VGLL4: variants seen among roughly 807,000 people sequenced by gnomAD.
VGLL4 encodes the protein transcription cofactor vestigial-like protein 4.
Under a neutral mutation model 21.0 loss-of-function variants are expected in VGLL4, and 7 were observed. The observed-to-expected ratio is 0.33, with a 90% CI of 0.19 to 0.63. VGLL4 has a LOEUF of 0.63. Ranked by LOEUF, VGLL4 falls within the 20% of genes least tolerant of loss-of-function variation. The pLI is 0.78. For synonymous variants in VGLL4, 222 were observed against 173.2 expected, an observed-to-expected ratio of 1.28 and a Z score of -2.21; for missense variants, 394 against 425.7, an observed-to-expected ratio of 0.93 and a Z score of 0.66.
chr3:11,571,648 C>G (rs1194127483), intron 2 of VGLL4, among the ~76,000 whole-genome samples: 1 of 152,232 alleles, frequency 6.6e-6, no homozygotes, highest in Non-Finnish European at 1.5e-5. Flanking sequence ...GCCTGGGCAA[C>G]AGGGTAAGAC....
In VGLL4 at chr3:11,557,164, G is replaced by GCAGCTGTGACCTCCA. The variant is rs2072511248; in HGVS notation, c.*1377_*1391dup. 6.5e-6 allele frequency: 1 copy of GCAGCTGTGACCTCCA among 152,710 alleles called. No individual in the cohort carries two copies. Among genetic ancestry groups the GCAGCTGTGACCTCCA allele is most frequent in the Non-Finnish European group, 1.5e-5 (1 of 68,054 alleles). 9.5% of individuals were successfully genotyped at this position (152,710 alleles called of 1,614,324 possible). A position where few individuals can be genotyped will look rare whatever the true frequency, so the allele number is the denominator to read the frequency against. Reference sequence around the variant, plus strand: ...AGAAACGCTCATTGACCAAAAAGGAGCAGCTGTGACCTCCACAGCTGTGTC... The same window carrying GCAGCTGTGACCTCCA: ...AGAAACGCTCATTGACCAAAAAGGAGCAGCTGTGACCTCCACAGCTGTGACCTCCACAGCTGTGTC... On this transcript the variant is annotated 3_prime_UTR_variant, in exon 5 of 5. Transcript: ENST00000430365.
intron 2 of VGLL4, among the ~76,000 whole-genome samples, chr3:11,596,654 T>C (rs1357234872): frequency 6.6e-6 from 1 of 152,202 alleles, no homozygotes; most frequent in Non-Finnish European, 1.5e-5. Context: ...CTTGTGATGA[T>C]AGAAATGTTC....
chr3:11,711,503 C>T (rs992733525), intron 1 of VGLL4, among the ~76,000 whole-genome samples: 1 of 150,936 alleles, frequency 6.6e-6, no homozygotes, highest in African/African-American at 2.4e-5. Context: ...GGAGGCAGAG[C>T]TTGCAGTGAG....
In VGLL4 at chr3:11,568,763, G is replaced by T. The variant is rs773610688; in HGVS notation, c.273-3744C>A. Reference sequence around the variant, plus strand: ...CACGCATCCTGCCCGGGAGATGGAAGTCGCCTCCGCTCCTGGTCAGGACTG... The same window carrying T: ...CACGCATCCTGCCCGGGAGATGGAATTCGCCTCCGCTCCTGGTCAGGACTG... On this transcript the variant is annotated intron_variant, in intron 2 of 4. Coordinates refer to ENST00000430365, the MANE Select transcript of VGLL4 (RefSeq NM_001128219.3). The surrounding 1 kb of genome is among the most constrained non-coding windows in gnomAD (Gnocchi z 5.9). The T allele has an allele frequency of 4.7e-6, 7 of 1,501,152 alleles. No homozygotes were observed. The highest frequency in any genetic ancestry group is 6.2e-6 in the Non-Finnish European group (7 of 1,125,476). The allele number at this position is 1,501,152 out of a possible 1,614,324, so 93.0% of individuals were successfully genotyped here. A position where few individuals can be genotyped will look rare whatever the true frequency, so the allele number is the denominator to read the frequency against.
At chr3:11,639,476 G>T (rs1158437921) in intron 1 of VGLL4, among the ~76,000 whole-genome samples, 1 of 152,274 alleles carries the variant, frequency 6.6e-6, no homozygotes, top group Admixed American at 6.5e-5. Context: ...AAGTGGGAGA[G>T]GCTCCACTGT....
chr3:11,590,603 C>T (rs2074465682), intron 2 of VGLL4, among the ~76,000 whole-genome samples: 1 of 151,682 alleles, frequency 6.6e-6, no homozygotes, highest in Non-Finnish European at 1.5e-5. Context: ...AACATTACTG[C>T]AACATTAAGC....
In VGLL4 at chr3:11,691,176, T is replaced by G. The variant is rs73128827; in HGVS notation, c.64+11795A>C. ...ACAGGTTGTTGTTGTTGTTGTTGTTTTTTATCTGTTATTTTAGGTTTTACT... is the reference window on the plus strand; with the variant it reads ...ACAGGTTGTTGTTGTTGTTGTTGTTGTTTATCTGTTATTTTAGGTTTTACT... On this transcript the variant is annotated intron_variant, in intron 2 of 5. Coordinates refer to the VGLL4 transcript ENST00000273038. Among the ~76,000 whole-genome samples the G allele has an allele frequency of 3.1e-3, 472 of 150,814 alleles. 4 individuals carry two copies. Among genetic ancestry groups the G allele is most frequent in the African/African-American group, 9.6e-3 (391 of 40,928 alleles).
At chr3:11,720,062 G>C (rs2076973058) in intron 1 of VGLL4, among the ~76,000 whole-genome samples, 1 of 152,116 alleles carries the variant, frequency 6.6e-6, no homozygotes, top group Non-Finnish European at 1.5e-5. Context: ...CGCGCGCACA[G>C]TAGGTCCCTG....
chr3:11,657,301 G>A (rs1470032440), intron 2 of VGLL4, among the ~76,000 whole-genome samples: 1 of 152,122 alleles, frequency 6.6e-6, no homozygotes, highest in African/African-American at 2.4e-5. Context: ...AAGACAGAAT[G>A]TCATGTTTTA....
chr3:11,720,536 T>G (rs947648321), exon 1 of VGLL4: 2 of 151,736 alleles, frequency 1.3e-5, no homozygotes, highest in African/African-American at 4.9e-5. Context: ...CACTTCACAC[T>G]CGCACACGCG....
At chr3:11,588,677 G>A (rs1033195986) in intron 2 of VGLL4, among the ~76,000 whole-genome samples, 3 of 152,274 alleles carry the variant, frequency 2.0e-5, no homozygotes, top group African/African-American at 4.8e-5. Context: ...GCAATGACAG[G>A]AGGAAGGAGG....
intron 2 of VGLL4, among the ~76,000 whole-genome samples, chr3:11,672,663 G>A (rs2076233930): frequency 6.6e-6 from 1 of 152,136 alleles, no homozygotes; most frequent in South Asian, 2.1e-4. Context: ...GCTTTCTCCA[G>A]CCCATTCACT....
chr3:11,701,721 AC>A (rs1477431050), intron 2 of VGLL4, among the ~76,000 whole-genome samples: 1 of 152,118 alleles, frequency 6.6e-6, no homozygotes, highest in African/African-American at 2.4e-5. Context: ...GATTTTAAGA[AC>A]ATACACTTGC....
At chr3:11,609,983 A>ATT (rs1428631980) in intron 1 of VGLL4, among the ~76,000 whole-genome samples, 1 of 152,130 alleles carries the variant, frequency 6.6e-6, no homozygotes, top group Non-Finnish European at 1.5e-5. Flanking sequence ...CGCTGTGTCT[A>ATT]AGGCTTTACG....
chr3:11,661,000 G>A (rs2076029187), intron 2 of VGLL4, among the ~76,000 whole-genome samples: 1 of 152,254 alleles, frequency 6.6e-6, no homozygotes, highest in Admixed American at 6.5e-5. Flanking sequence ...GGTGGCTGTG[G>A]GGCTGAATTG....
chr3:11,622,375 A>G (rs527385110), intron 1 of VGLL4, among the ~76,000 whole-genome samples: 1 of 151,988 alleles, frequency 6.6e-6, no homozygotes, highest in East Asian at 1.9e-4. Flanking sequence ...GCATTTCAGA[A>G]ATTCAATCTG....
chr3:11,675,581 TATA>T (rs1225521882), intron 2 of VGLL4, among the ~76,000 whole-genome samples: 3 of 152,126 alleles, frequency 2.0e-5, no homozygotes, highest in African/African-American at 4.8e-5. Flanking sequence ...AAAAGTGTAA[TATA>T]TAAGTTATCC....
chr3:11,685,806 C>T (rs996067466), intron 2 of VGLL4, among the ~76,000 whole-genome samples: 20 of 151,974 alleles, frequency 1.3e-4, no homozygotes, highest in African/African-American at 4.8e-4. Flanking sequence ...GAGCTATGAT[C>T]ACACTGCTGC....
chr3:11,570,739 T>C (rs959739130), intron 2 of VGLL4, among the ~76,000 whole-genome samples: 1 of 152,164 alleles, frequency 6.6e-6, no homozygotes, highest in Non-Finnish European at 1.5e-5. Context: ...TAAACAGTGG[T>C]GAGATGTCTT....
Sources: allele counts gnomAD v4.1 joint callset (sites outside exome capture counted in the v4.1 genomes callset), GRCh38; gene constraint gnomAD v4.1.1; non-coding constraint Gnocchi (gnomAD v3.1); transcripts MANE v1.5; gene names NCBI Gene and HGNC (gene_info 2026-07-23, HGNC 2026-07-21).